MRC2: variants seen among roughly 807,000 people sequenced by gnomAD.
MRC2 encodes C-type mannose receptor 2.
Under a neutral mutation model 206.2 loss-of-function variants are expected in MRC2, and 84 were observed. The ratio of observed to expected loss-of-function variants is 0.41; its 90% CI spans 0.34 to 0.49. MRC2 has a LOEUF of 0.49. MRC2 is among the 20% of genes least tolerant of loss of function. The probability of loss-of-function intolerance (pLI) is 0.31; values close to 1 mark genes in which losing one functional copy is unlikely to be tolerated. For missense variants in MRC2, 1,676 were observed against 2,001.5 expected, an observed-to-expected ratio of 0.84 and a Z score of 3.10; for synonymous variants, 798 against 800.0, an observed-to-expected ratio of 1.00 and a Z score of 0.04.
At chr17:62,653,012 G>C (rs1420069272) in intron 1 of MRC2, among the ~76,000 whole-genome samples, 1 of 152,130 alleles carries the variant, frequency 6.6e-6, no homozygotes, top group African/African-American at 2.4e-5. Flanking sequence ...GGGGGAGAAA[G>C]GGGTCAAGGT....
At position 62,666,960 on chromosome 17, in the gene MRC2, G is replaced by A. The variant is rs1185497457; in HGVS notation, c.973+90G>A. Reference sequence around the variant, plus strand: ...ACTCCTCTCCTCATGTCCTCCTGCAGAGGGGCAGTGTGGGTAGGGGAAGCA... The same window carrying A: ...ACTCCTCTCCTCATGTCCTCCTGCAAAGGGGCAGTGTGGGTAGGGGAAGCA... On this transcript the variant is annotated intron_variant, in intron 5 of 29. Transcript: ENST00000303375. The surrounding 1 kb of genome is among the most constrained non-coding windows in gnomAD (Gnocchi z 5.0). 6 of 998,968 alleles carry A rather than the reference G, an allele frequency of 6.0e-6. No individual in the cohort carries two copies. Among genetic ancestry groups the A allele is most frequent in the Non-Finnish European group, 9.1e-6 (6 of 655,996 alleles). The allele number at this position is 998,968 out of a possible 1,614,324, so 61.9% of individuals were successfully genotyped here.
At position 62,672,312 on chromosome 17, in the gene MRC2, G is replaced by A. The variant is rs567854139; in HGVS notation, c.1461+160G>A. 2.0e-5 allele frequency among the ~76,000 whole-genome samples: 3 copies of A among 152,218 alleles called. No individual in the cohort carries two copies. Among genetic ancestry groups the A allele is most frequent in the African/African-American group, 7.2e-5 (3 of 41,528 alleles). ...CCCACCAATGCCTTCCCTTCCATGT[G>A]AGAGACTGCCGGGGCTTGAATCCTA... On this transcript the variant is annotated intron_variant, in intron 8 of 29. Transcript: ENST00000303375. This position sits in a 1 kb window ranked among gnomAD's most constrained non-coding sequence, Gnocchi z 4.5.
intron 1 of MRC2, among the ~76,000 whole-genome samples, chr17:62,651,734 G>A (rs1254919056): frequency 6.6e-6 from 1 of 151,902 alleles, no homozygotes; most frequent in Non-Finnish European, 1.5e-5. Context: ...ACCATACCCA[G>A]CTAATTTTTG....
At chr17:62,642,932 A>G (rs2088424960) in intron 1 of MRC2, among the ~76,000 whole-genome samples, 1 of 152,206 alleles carries the variant, frequency 6.6e-6, no homozygotes, top group South Asian at 2.1e-4. Context: ...TGAATATTAG[A>G]CAGTGATGAG....
In MRC2 at chr17:62,681,047, G is replaced by T; in HGVS notation, c.2635-15G>T. ...GGGGGCTGCCTACCCACACCTGCCC[G>T]CCTGGCTTCTCCAGTTCTCCCGGGC... On this transcript the variant is annotated splice_polypyrimidine_tract_variant and intron_variant, in intron 17 of 29. Coordinates refer to ENST00000303375, the MANE Select transcript of MRC2 (RefSeq NM_006039.5). The T allele has an allele frequency of 6.2e-7, 1 of 1,613,238 alleles. No homozygotes were observed. The highest frequency in any genetic ancestry group is 1.7e-5 in the Admixed American group (1 of 60,022).
intron 1 of MRC2, among the ~76,000 whole-genome samples, chr17:62,650,019 T>C (rs1188012915): frequency 6.6e-6 from 1 of 151,970 alleles, no homozygotes; most frequent in Non-Finnish European, 1.5e-5. Flanking sequence ...CTCAGCCTCC[T>C]GAGTAGCTGG....
chr17:62,637,878 T>C (rs1300330678), intron 1 of MRC2, among the ~76,000 whole-genome samples: 2 of 151,616 alleles, frequency 1.3e-5, no homozygotes, highest in African/African-American at 2.4e-5. Flanking sequence ...GCATTTGTTT[T>C]TGTTTGTTTG....
Position 62,666,568 on chromosome 17 carries a change from G to C in MRC2, c.808G>C (p.Gly270Arg). 2 of 1,610,858 alleles carry C rather than the reference G, an allele frequency of 1.2e-6. No individual in the cohort carries two copies. The highest frequency in any genetic ancestry group is 1.7e-6 in the Non-Finnish European group (2 of 1,178,776). ...GGCCTGGGCCAGCTGCGAGCAGCAG[G>C]GTGCGGATCTGCTGAGCATCACGGA... ...REAWASCEQQ[G>R]ADLLSITEIH... is the part of the protein sequence containing the mutation. The change falls in exon 4 of 30, where the codon GGT becomes CGT. Residue 270 changes from glycine to arginine, a missense_variant. By Grantham distance (125) the Gly-to-Arg change is moderately radical. Coordinates refer to ENST00000303375, the MANE Select transcript of MRC2 (RefSeq NM_006039.5). The surrounding 1 kb of genome is among the most constrained non-coding windows in gnomAD (Gnocchi z 5.0).
Position 62,689,519 on chromosome 17 carries a change from T to C in MRC2, c.3335-3T>C. On this transcript the variant is annotated splice_polypyrimidine_tract_variant and splice_region_variant and intron_variant, in intron 23 of 29. Coordinates refer to ENST00000303375, the MANE Select transcript of MRC2 (RefSeq NM_006039.5). ...AGCCTGAACCCTGACCCCTTCCCTG[T>C]AGACCCCTCCCTGAGCCCGTCCCCA... The C allele has an allele frequency of 1.3e-6, 2 of 1,555,578 alleles. No homozygotes were observed. Among genetic ancestry groups the C allele is most frequent in the Admixed American group, 3.5e-5 (2 of 56,652 alleles).
intron 1 of MRC2, among the ~76,000 whole-genome samples, chr17:62,658,968 C>T (rs1014282902): frequency 4.6e-5 from 7 of 152,174 alleles, no homozygotes; most frequent in East Asian, 1.9e-4. Flanking sequence ...TAACACAATA[C>T]CGTTAACAGA....
At chr17:62,669,141 CAGTAAAGAGTTTACAG>C in intron 6 of MRC2, among the ~76,000 whole-genome samples, 1 of 151,594 alleles carries the variant, frequency 6.6e-6, no homozygotes, top group South Asian at 2.1e-4. Flanking sequence ...TAACTACAGA[CAGTAAAGAGTTTACAG>C]AGCAAAACTT....
chr17:62,643,487 A>C (rs1366009773), intron 1 of MRC2, among the ~76,000 whole-genome samples: 1 of 152,192 alleles, frequency 6.6e-6, no homozygotes, highest in Non-Finnish European at 1.5e-5. Context: ...ATTTAGAAAG[A>C]ACAACAAACA....
chr17:62,677,833 C>T (rs556282517), intron 12 of MRC2, among the ~76,000 whole-genome samples: 7 of 152,228 alleles, frequency 4.6e-5, no homozygotes, highest in East Asian at 3.9e-4. Context: ...GGGTGGATCA[C>T]GAGGTCAGGA....
At position 62,692,522 on chromosome 17, in the gene MRC2, C is replaced by A. The variant is rs894085907; in HGVS notation, c.*71C>A. The A allele has an allele frequency of 9.1e-6, 13 of 1,421,230 alleles. No individual in the cohort carries two copies. The highest frequency in any genetic ancestry group is 7.1e-5 in the African/African-American group (5 of 70,450). The allele number at this position is 1,421,230 out of a possible 1,614,324, so 88.0% of individuals were successfully genotyped here. On this transcript the variant is annotated 3_prime_UTR_variant, in exon 30 of 30. Transcript: ENST00000303375. The surrounding 1 kb of genome is among the most constrained non-coding windows in gnomAD (Gnocchi z 4.2). ...GGGGCCCTGGGTCAGTCTGGCCCCCCACCAGCTGCCTGTCCAGTTGGCCTA... is the reference window on the plus strand; with the variant it reads ...GGGGCCCTGGGTCAGTCTGGCCCCCAACCAGCTGCCTGTCCAGTTGGCCTA...
intron 1 of MRC2, among the ~76,000 whole-genome samples, chr17:62,662,142 C>A (rs932536498): frequency 6.6e-6 from 1 of 151,446 alleles, no homozygotes; most frequent in African/African-American, 2.4e-5. Flanking sequence ...CCCAGCTACT[C>A]GGGAGGCTGA....
chr17:62,645,683 A>G (rs980505262), intron 1 of MRC2, among the ~76,000 whole-genome samples: 1 of 150,496 alleles, frequency 6.6e-6, no homozygotes, highest in African/African-American at 2.4e-5. Flanking sequence ...ACAGGTGTGC[A>G]CCACCAACTG....
At chr17:62,689,004 C>A in intron 23 of MRC2, 44 bp downstream of exon 23, 1 of 1,497,956 alleles carries the variant, frequency 6.7e-7, no homozygotes, top group Non-Finnish European at 9.2e-7. Flanking sequence ...GGGGCCCTGG[C>A]ACCGGGCTGG....
chr17:62,638,603 C>T (rs766634726), intron 1 of MRC2, among the ~76,000 whole-genome samples: 23 of 151,742 alleles, frequency 1.5e-4, no homozygotes, highest in South Asian at 6.2e-4. Flanking sequence ...CCAGGTGTGG[C>T]GACGTGTGCC....
In MRC2 at chr17:62,664,415, A is replaced by G. The variant is rs888318814; in HGVS notation, c.119-133A>G. The G allele has an allele frequency of 3.9e-6, 4 of 1,024,610 alleles. No individual in the cohort carries two copies. In the African/African-American group the frequency reaches 4.8e-5, roughly 12 times the overall value. 63.5% of individuals were successfully genotyped at this position (1,024,610 alleles called of 1,614,324 possible). A position where few individuals can be genotyped will look rare whatever the true frequency, so the allele number is the denominator to read the frequency against. ...CTCAGAGGGTTGGTAGTGAGTACCGAGTGATTTAACGTATGAGTGACGGCT... is the reference window on the plus strand; with the variant it reads ...CTCAGAGGGTTGGTAGTGAGTACCGGGTGATTTAACGTATGAGTGACGGCT... On this transcript the variant is annotated intron_variant, in intron 1 of 29. Transcript: ENST00000303375. The surrounding 1 kb of genome is among the most constrained non-coding windows in gnomAD (Gnocchi z 4.7).
Sources: allele counts gnomAD v4.1 joint callset (sites outside exome capture counted in the v4.1 genomes callset), GRCh38; gene constraint gnomAD v4.1.1; non-coding constraint Gnocchi (gnomAD v3.1); transcripts MANE v1.5; gene names NCBI Gene and HGNC (gene_info 2026-07-23, HGNC 2026-07-21).